The following TCEANC2 variants were observed in gnomAD, a reference collection of about 807,000 sequenced individuals.
TCEANC2 encodes the protein transcription elongation factor A N-terminal and central domain containing 2, also known as transcription elongation factor A N-terminal and central domain-containing protein 2.
TCEANC2 carries 20 observed loss-of-function variants against 22.8 expected under a neutral mutation model. That is an observed-to-expected ratio of 0.88 (90% CI 0.62 to 1.28). TCEANC2 has a LOEUF of 1.28. Among genes scored for constraint, TCEANC2 ranks in the 50% most tolerant of loss-of-function variants. The pLI, the probability that TCEANC2 is intolerant of heterozygous loss-of-function variation, is 0.00. For missense variants in TCEANC2, 251 were observed against 249.7 expected, an observed-to-expected ratio of 1.01 and a Z score of -0.03; for synonymous variants, 84 against 95.5, an observed-to-expected ratio of 0.88 and a Z score of 0.70.
intron 3 of TCEANC2, among the ~76,000 whole-genome samples, chr1:54,071,280 A>T (rs544039929): frequency 6.6e-6 from 1 of 152,162 alleles, no homozygotes; most frequent in Non-Finnish European, 1.5e-5. Flanking sequence ...AATTTTTTTA[A>T]GTTGAGAATC....
chr1:54,071,614 A>G (rs921806023), intron 3 of TCEANC2, among the ~76,000 whole-genome samples: 2 of 152,194 alleles, frequency 1.3e-5, no homozygotes, highest in Non-Finnish European at 2.9e-5. Flanking sequence ...GTCATATGCT[A>G]TTGGTCACAC....
At chr1:54,073,306 G>C (rs1033349231) in intron 3 of TCEANC2, among the ~76,000 whole-genome samples, 2 of 152,172 alleles carry the variant, frequency 1.3e-5, no homozygotes, top group African/African-American at 4.8e-5. Flanking sequence ...GCTAAATTGA[G>C]AAGCTTCCCT....
intron 3 of TCEANC2, among the ~76,000 whole-genome samples, chr1:54,078,506 G>A (rs1658184235): frequency 6.6e-6 from 1 of 152,052 alleles, no homozygotes; most frequent in African/African-American, 2.4e-5. Context: ...TTTTAAATCA[G>A]AATTTAGTGC....
downstream of TCEANC2, among the ~76,000 whole-genome samples, chr1:54,108,739 G>A (rs1439917604): frequency 2.0e-5 from 3 of 152,164 alleles, no homozygotes; most frequent in East Asian, 1.9e-4. Flanking sequence ...TTGGGAGGCC[G>A]AGGCGGGCGG....
chr1:54,088,727 T>C lies in TCEANC2; in HGVS notation c.375T>C (p.Asp125=). The C allele has an allele frequency of 6.2e-7, 1 of 1,604,402 alleles. No homozygotes were observed. The highest frequency in any genetic ancestry group is 8.5e-7 in the Non-Finnish European group (1 of 1,175,438). The change falls in exon 4 of 5, where the codon GAT becomes GAC. Residue 125 remains aspartate (D), a synonymous_variant. Coordinates refer to ENST00000234827, the MANE Select transcript of TCEANC2 (RefSeq NM_153035.3). The stretch of plus-strand genomic sequence containing the variant: ...GACCTTCTATTGAAGTTAGAAGTGA[T>C]CCCAAAACCGAGTCGTTGAGGAAAA... ...SNRPSIEVRS[D]PKTESLRKNA... is the part of the protein sequence containing the mutation.
intron 2 of TCEANC2, among the ~76,000 whole-genome samples, chr1:54,065,943 A>G (rs934800945): frequency 6.6e-6 from 1 of 151,704 alleles, no homozygotes; most frequent in Non-Finnish European, 1.5e-5. Context: ...GTGGTGATGC[A>G]TGCCTGCAGT....
intron 2 of TCEANC2, among the ~76,000 whole-genome samples, chr1:54,060,758 G>A (rs959798619): frequency 4.6e-5 from 7 of 151,846 alleles, no homozygotes; most frequent in Admixed American, 6.6e-5. Context: ...TGGCCAACAT[G>A]GTGAAACCTC....
intron 2 of TCEANC2, among the ~76,000 whole-genome samples, chr1:54,068,337 G>A (rs1027875718): frequency 3.3e-5 from 5 of 152,168 alleles, no homozygotes; most frequent in African/African-American, 7.2e-5. Flanking sequence ...TCTAGGAAGT[G>A]GGGAACTACT....
Position 54,098,180 on chromosome 1 carries a change from A to G in TCEANC2, c.*1707A>G, listed in dbSNP as rs1658594601. The stretch of plus-strand genomic sequence containing the variant: ...TAGATGCCCCATAGACATCTCAGAT[A>G]TAACATGTCTTCTTTCCATTGGCAG... On this transcript the variant is annotated 3_prime_UTR_variant, in exon 5 of 5. Transcript: ENST00000234827. 1 of 152,300 alleles carries G rather than the reference A, an allele frequency of 6.6e-6. No individual in the cohort carries two copies. Among genetic ancestry groups the G allele is most frequent in the East Asian group, 1.9e-4 (1 of 5,202 alleles). 9.4% of individuals were successfully genotyped at this position (152,300 alleles called of 1,614,324 possible). A position where few individuals can be genotyped will look rare whatever the true frequency, so the allele number is the denominator to read the frequency against.
At chr1:54,077,490 T>C (rs755670803) in intron 3 of TCEANC2, among the ~76,000 whole-genome samples, 1 of 152,194 alleles carries the variant, frequency 6.6e-6, no homozygotes, top group South Asian at 2.1e-4. Flanking sequence ...CTTCCCAGAC[T>C]GTGAATTTGA....
intron 3 of TCEANC2, among the ~76,000 whole-genome samples, chr1:54,073,076 C>T (rs1235516177): frequency 1.3e-5 from 2 of 152,152 alleles, no homozygotes; most frequent in African/African-American, 4.8e-5. Context: ...AGGGATCCTC[C>T]TGCCTCAGCC....
In TCEANC2 at chr1:54,096,468, A is replaced by G. The variant is rs370390913; in HGVS notation, c.622A>G (p.Lys208Glu). ...CGGCACGTTTGTACAGACCCACAAA[A>G]AGTGACCTGAGGACGGTTCCAGCCC... ...PVGTFVQTHK[K>E] The change falls in exon 5 of 5, where the codon AAG becomes GAG. Residue 208 changes from lysine to glutamate, a missense_variant. By Grantham distance (56) the Lys-to-Glu change is moderately conservative. Coordinates refer to ENST00000234827, the MANE Select transcript of TCEANC2 (RefSeq NM_153035.3). This position sits in a 1 kb window ranked among gnomAD's most constrained non-coding sequence, Gnocchi z 4.9. 289 of 1,598,360 alleles carry G rather than the reference A, an allele frequency of 1.8e-4. No homozygotes were observed. The highest frequency in any genetic ancestry group is 2.3e-4 in the Non-Finnish European group (273 of 1,166,976).
intron 2 of TCEANC2, among the ~76,000 whole-genome samples, chr1:54,060,655 A>G (rs1657834451): frequency 6.6e-6 from 1 of 152,112 alleles, no homozygotes; most frequent in Non-Finnish European, 1.5e-5. Flanking sequence ...AGGTAAGAGA[A>G]GAGGCCTGGC....
intron 4 of TCEANC2, among the ~76,000 whole-genome samples, chr1:54,089,016 G>A (rs913450115): frequency 1.3e-5 from 2 of 152,162 alleles, no homozygotes; most frequent in East Asian, 3.8e-4. Context: ...CAGTGTTGTA[G>A]GAGGCAGGCT....
At chr1:54,054,329 T>C in intron 1 of TCEANC2, 52 bp from the exon 2 acceptor site, 4 of 1,543,476 alleles carry the variant, frequency 2.6e-6, no homozygotes, top group African/African-American at 1.4e-5. Flanking sequence ...GGGGAAAAAA[T>C]ATCATGGCAG....
rs2100390893 is a variant in TCEANC2 at position 54,098,173 on chromosome 1, C to T, written c.*1700C>T. 6.6e-6 allele frequency: 1 copy of T among 152,396 alleles called. No individual in the cohort carries two copies. Among genetic ancestry groups the T allele is most frequent in the East Asian group, 1.9e-4 (1 of 5,188 alleles). The allele number at this position is 152,396 out of a possible 1,614,324, so 9.4% of individuals were successfully genotyped here. ...TATTTCCTAGATGCCCCATAGACAT[C>T]TCAGATATAACATGTCTTCTTTCCA... On this transcript the variant is annotated 3_prime_UTR_variant, in exon 5 of 5. Transcript: ENST00000234827.
At chr1:54,086,207 T>C (rs1407918441) in intron 3 of TCEANC2, among the ~76,000 whole-genome samples, 2 of 152,178 alleles carry the variant, frequency 1.3e-5, no homozygotes, top group African/African-American at 2.4e-5. Flanking sequence ...GCCACGATGC[T>C]CACTGCTGGA....
chr1:54,096,487 C>A lies in TCEANC2; in HGVS notation c.*14C>A. On this transcript the variant is annotated 3_prime_UTR_variant, in exon 5 of 5. Coordinates refer to ENST00000234827, the MANE Select transcript of TCEANC2 (RefSeq NM_153035.3). The surrounding 1 kb of genome is among the most constrained non-coding windows in gnomAD (Gnocchi z 4.9). Reference sequence around the variant, plus strand: ...CACAAAAAGTGACCTGAGGACGGTTCCAGCCCTGGGCCAGGCAGAGAGGAA... The same window carrying A: ...CACAAAAAGTGACCTGAGGACGGTTACAGCCCTGGGCCAGGCAGAGAGGAA... 1 of 1,586,012 alleles carries A rather than the reference C, an allele frequency of 6.3e-7. No homozygotes were observed. Among genetic ancestry groups the A allele is most frequent in the East Asian group, 2.3e-5 (1 of 44,078 alleles).
At chr1:54,088,820 G>A in intron 4 of TCEANC2, 30 bp downstream of exon 4, 2 of 1,443,798 alleles carry the variant, frequency 1.4e-6, no homozygotes, top group Non-Finnish European at 1.9e-6. Context: ...CAACTGTTAT[G>A]TACCCATAAT....
Sources: allele counts gnomAD v4.1 joint callset (sites outside exome capture counted in the v4.1 genomes callset), GRCh38; gene constraint gnomAD v4.1.1; non-coding constraint Gnocchi (gnomAD v3.1); transcripts MANE v1.5; gene names NCBI Gene and HGNC (gene_info 2026-07-23, HGNC 2026-07-21).